Variants in BACH1 observed in about 807,000 individuals in gnomAD.
BACH1 encodes BTB domain and CNC homolog 1, also known as transcription regulator protein BACH1.
A neutral mutation model predicts 52.9 loss-of-function variants in BACH1; 35 were observed. That is an observed-to-expected ratio of 0.66 (90% CI 0.51 to 0.88). The LOEUF is 0.88. Ranked by LOEUF, BACH1 falls within the 40% of genes least tolerant of loss-of-function variation. BACH1 has a pLI of 0.00. For missense variants in BACH1, 808 were observed against 872.6 expected (o/e 0.93, Z 0.93); for synonymous variants, 321 against 319.6 (o/e 1.00, Z -0.05).
intron 2 of BACH1, among the ~76,000 whole-genome samples, chr21:29,355,171 CAG>C (rs2089226243): frequency 6.6e-6 from 1 of 152,180 alleles, no homozygotes; most frequent in Non-Finnish European, 1.5e-5. Context: ...GTCCATTTTG[CAG>C]AGTGCTGATT....
intron 4 of BACH1, among the ~76,000 whole-genome samples, chr21:29,331,495 G>T (rs947627187): frequency 6.6e-6 from 1 of 152,128 alleles, no homozygotes; most frequent in Non-Finnish European, 1.5e-5. Flanking sequence ...TGGCTCAAGG[G>T]TTTTATTTTT....
intron 3 of BACH1, among the ~76,000 whole-genome samples, 170 bp downstream of exon 3, chr21:29,327,563 A>G (rs1383793644): frequency 6.6e-6 from 1 of 152,236 alleles, no homozygotes; most frequent in African/African-American, 2.4e-5. Flanking sequence ...GCAGTGGCCC[A>G]CAACTGTTAA....
At chr21:29,350,192 C>T (rs931801864), downstream of BACH1, among the ~76,000 whole-genome samples, 6 of 152,164 alleles carry the variant, frequency 3.9e-5, no homozygotes, top group African/African-American at 1.2e-4. Context: ...TAAAATGTCA[C>T]GGCCTCTACT....
intron 2 of BACH1, chr21:29,360,982 T>A (rs2089268383): frequency 6.6e-6 from 1 of 152,236 alleles, no homozygotes; most frequent in Non-Finnish European, 1.5e-5. Context: ...TAGTATAGAA[T>A]GAGCTTGTTT....
At chr21:29,305,933 A>T (rs1415629107) in intron 1 of BACH1, among the ~76,000 whole-genome samples, 1 of 152,248 alleles carries the variant, frequency 6.6e-6, no homozygotes, top group Non-Finnish European at 1.5e-5. Flanking sequence ...TTACAGTCTA[A>T]TAGACAGGCA....
At chr21:29,350,958 T>G (rs1016358960), downstream of BACH1, among the ~76,000 whole-genome samples, 1 of 152,184 alleles carries the variant, frequency 6.6e-6, no homozygotes, top group African/African-American at 2.4e-5. Context: ...AGGTTCAGGT[T>G]TAAAAGCCAA....
intron 4 of BACH1, among the ~76,000 whole-genome samples, chr21:29,335,531 C>T (rs142955961): frequency 2.0e-5 from 3 of 152,272 alleles, no homozygotes; most frequent in Non-Finnish European, 4.4e-5. Context: ...TTTTCTTGAG[C>T]TTCATGTCAG....
chr21:29,319,161 G>A (rs181951938), intron 1 of BACH1, among the ~76,000 whole-genome samples: 68 of 152,304 alleles, frequency 4.5e-4, no homozygotes, highest in African/African-American at 1.6e-3. Flanking sequence ...TCAGTGCCTG[G>A]TGAAGAATTA....
chr21:29,306,977 A>T (rs1032037623), intron 1 of BACH1, among the ~76,000 whole-genome samples: 8 of 152,216 alleles, frequency 5.3e-5, no homozygotes, highest in African/African-American at 1.9e-4. Flanking sequence ...CCTTTCAGGG[A>T]GAGGAGAACA....
At chr21:29,317,480 A>C (rs1168796562) in intron 1 of BACH1, among the ~76,000 whole-genome samples, 1 of 152,180 alleles carries the variant, frequency 6.6e-6, no homozygotes, top group Non-Finnish European at 1.5e-5. Flanking sequence ...GTGTATGTGG[A>C]GGCCCTGAAA....
rs2088843509 is a variant in BACH1, at chr21:29,321,218, C to T, written c.-60-3C>T. Reference sequence around the variant, plus strand: ...AAGTGAAATCTTGCATGTGTGTTTGCAGGTTGATGATAATTAGAAGCATGC... The same window carrying T: ...AAGTGAAATCTTGCATGTGTGTTTGTAGGTTGATGATAATTAGAAGCATGC... On this transcript the variant is annotated splice_polypyrimidine_tract_variant and splice_region_variant and intron_variant, in intron 1 of 4. Coordinates refer to ENST00000286800, the MANE Select transcript of BACH1 (RefSeq NM_001186.4). The T allele has an allele frequency of 2.2e-6, 3 of 1,340,806 alleles. No homozygotes were observed. The highest frequency in any genetic ancestry group is 3.2e-6 in the Non-Finnish European group (3 of 937,650). 83.1% of individuals were successfully genotyped at this position (1,340,806 alleles called of 1,614,324 possible). A position where few individuals can be genotyped will look rare whatever the true frequency, so the allele number is the denominator to read the frequency against.
chr21:29,329,002 G>T (rs939465551), intron 3 of BACH1, among the ~76,000 whole-genome samples: 1 of 152,192 alleles, frequency 6.6e-6, no homozygotes, highest in African/African-American at 2.4e-5. Flanking sequence ...GAATAATGCG[G>T]TAACGAATAT....
Position 29,326,485 on chromosome 21 carries a change from C to T in BACH1, c.661C>T (p.Pro221Ser), listed in dbSNP as rs1422883513. ...AGAGAAGGATGCTGCTCTGGCCTTGCCTTCTTTATGCCCCAAATACAGAAA... is the reference window on the plus strand; with the variant it reads ...AGAGAAGGATGCTGCTCTGGCCTTGTCTTCTTTATGCCCCAAATACAGAAA... ...CLEKDAALAL[P>S]SLCPKYRKFQ... The change falls in exon 3 of 5, where the codon CCT becomes TCT. Residue 221 changes from proline to serine, a missense_variant. Transcript: ENST00000286800. 1 of 1,614,098 alleles carries T rather than the reference C, an allele frequency of 6.2e-7. No individual in the cohort carries two copies. The highest frequency in any genetic ancestry group is 2.2e-5 in the East Asian group (1 of 44,892).
At position 29,326,063 on chromosome 21, in the gene BACH1, C is replaced by T. The variant is rs1238872288; in HGVS notation, c.239C>T (p.Thr80Ile). Residue 80 changes from threonine (T) to isoleucine (I), a missense_variant, in exon 3 of 5, where the codon ACA becomes ATA. Thr to Ile is a moderately conservative substitution (Grantham distance 89). Transcript: ENST00000286800. ...TTTTATTTTGTGTATCAACAGGTGA[C>T]AGTTAAAGGATTTGAACCTTTAATT... is the stretch of plus-strand genomic sequence containing the variant. ...ELNITLPEEVTVKGFEPLIQF... is the reference protein window; with the variant it reads ...ELNITLPEEVIVKGFEPLIQF... 1 of 1,599,374 alleles carries T rather than the reference C, an allele frequency of 6.3e-7. No individual in the cohort carries two copies. Among genetic ancestry groups the T allele is most frequent in the Non-Finnish European group, 8.5e-7 (1 of 1,173,522 alleles).
chr21:29,320,165 C>A (rs924473377), intron 1 of BACH1, among the ~76,000 whole-genome samples: 2 of 152,074 alleles, frequency 1.3e-5, no homozygotes, highest in Non-Finnish European at 2.9e-5. Context: ...ATTCACTGAC[C>A]ATTTGAAGGC....
At chr21:29,360,066 T>C (rs2089261958) in intron 2 of BACH1, among the ~76,000 whole-genome samples, 1 of 152,236 alleles carries the variant, frequency 6.6e-6, no homozygotes, top group African/African-American at 2.4e-5. Context: ...TTGTCCCTTA[T>C]CTACCTCTGA....
chr21:29,307,407 T>TTGTGTG (rs139633407), intron 1 of BACH1, among the ~76,000 whole-genome samples: 5,517 of 150,012 alleles, frequency 0.037, 299 homozygotes, highest in African/African-American at 0.12. Context: ...TCACTTACCT[T>TTGTGTG]TGTGTGTGTG....
intron 1 of BACH1, among the ~76,000 whole-genome samples, chr21:29,301,624 G>T (rs1419342279): frequency 1.3e-5 from 2 of 152,216 alleles, no homozygotes; most frequent in African/African-American, 4.8e-5. Context: ...TGAATTTGGA[G>T]ACAAGCCCAG....
At chr21:29,318,759 C>T (rs1357142768) in intron 1 of BACH1, among the ~76,000 whole-genome samples, 1 of 152,130 alleles carries the variant, frequency 6.6e-6, no homozygotes, top group Non-Finnish European at 1.5e-5. Context: ...TGTGGAGTCA[C>T]CTTGAGATTC....
Sources: allele counts gnomAD v4.1 joint callset (sites outside exome capture counted in the v4.1 genomes callset), GRCh38; gene constraint gnomAD v4.1.1; transcripts MANE v1.5; gene names NCBI Gene and HGNC (gene_info 2026-07-23, HGNC 2026-07-21).